FAM13A: variants seen among roughly 807,000 people sequenced by gnomAD.
The protein encoded by FAM13A is family with sequence similarity 13 member A.
FAM13A carries 76 observed loss-of-function variants against 129.6 expected under a neutral mutation model. That is an observed-to-expected ratio of 0.59 (90% CI 0.49 to 0.71). FAM13A has a LOEUF of 0.71. FAM13A is among the 30% of genes least tolerant of loss of function. The pLI is 0.00. For synonymous variants in FAM13A, 443 were observed against 449.9 expected (o/e 0.98, Z 0.20); for missense variants, 1,108 against 1,249.3 (o/e 0.89, Z 1.70).
chr4:88,785,577 A>C (rs901298007), intron 10 of FAM13A, among the ~76,000 whole-genome samples: 1 of 152,118 alleles, frequency 6.6e-6, no homozygotes, highest in Non-Finnish European at 1.5e-5. Context: ...AAAAGGAAAG[A>C]GTGGAGCTGG....
At chr4:88,790,946 C>T (rs1725015817) in intron 8 of FAM13A, among the ~76,000 whole-genome samples, 1 of 152,048 alleles carries the variant, frequency 6.6e-6, no homozygotes, top group Admixed American at 6.6e-5. Context: ...TTTTCATTTT[C>T]CTAAAATGTT....
At chr4:88,750,238 G>T (rs937045914) in intron 15 of FAM13A, among the ~76,000 whole-genome samples, 186 bp downstream of exon 15, 1 of 152,130 alleles carries the variant, frequency 6.6e-6, no homozygotes, top group African/African-American at 2.4e-5. Context: ...ATGTGATGTT[G>T]CAGTTGGGCC....
chr4:88,868,833 T>C (rs748272916), intron 6 of FAM13A, among the ~76,000 whole-genome samples: 6 of 152,178 alleles, frequency 3.9e-5, no homozygotes, highest in Non-Finnish European at 5.9e-5. Context: ...CCTTCCTCCT[T>C]AGTTTGTTAA....
chr4:88,914,008 A>T (rs1481763526), intron 5 of FAM13A, among the ~76,000 whole-genome samples: 5 of 137,090 alleles, frequency 3.6e-5, no homozygotes, highest in Non-Finnish European at 7.8e-5. Flanking sequence ...GTCTCAAAAA[A>T]AAAAGAAAAA....
At chr4:88,760,603 C>CAAAAAAAAAAAAAAAAAAAAAAAA (rs745711965) in intron 13 of FAM13A, among the ~76,000 whole-genome samples, 5 of 65,840 alleles carry the variant, frequency 7.6e-5, no homozygotes, top group South Asian at 6.8e-4. Context: ...GACTCCGTCT[C>CAAAAAAAAAAAAAAAAAAAAAAAA]AAAAAAAAAA....
At chr4:88,860,050 T>C (rs1233768422) in intron 6 of FAM13A, among the ~76,000 whole-genome samples, 2 of 152,206 alleles carry the variant, frequency 1.3e-5, no homozygotes, top group African/African-American at 2.4e-5. Flanking sequence ...AATGTACTTA[T>C]AAATCATATA....
At chr4:88,967,962 TG>T (rs1759569554) in intron 4 of FAM13A, among the ~76,000 whole-genome samples, 1 of 152,146 alleles carries the variant, frequency 6.6e-6, no homozygotes, top group Non-Finnish European at 1.5e-5. Context: ...TGGTAGTGTG[TG>T]TGTGTTTACT....
At chr4:88,821,195 C>G (rs751818993) in intron 7 of FAM13A, among the ~76,000 whole-genome samples, 16 of 152,328 alleles carry the variant, frequency 1.1e-4, no homozygotes, top group South Asian at 4.1e-4. Flanking sequence ...ACCGCACAAA[C>G]CTGGTCTTTA....
chr4:88,781,443 C>G, intron 10 of FAM13A, 92 bp from the exon 11 acceptor site: 1 of 859,380 alleles, frequency 1.2e-6, no homozygotes, highest in Non-Finnish European at 1.7e-6. Context: ...CTAGGAAATC[C>G]AAAGAGTGCC....
In FAM13A at chr4:88,837,658, C is replaced by T. The variant is rs188861339; in HGVS notation, c.1007+13362G>A. Among the ~76,000 whole-genome samples the T allele has an allele frequency of 5.9e-3, 771 of 131,452 alleles. 3 individuals carry two copies. The highest frequency in any genetic ancestry group is 7.9e-3 in the Non-Finnish European group (511 of 64,750). 86.2% of individuals were successfully genotyped at this position (131,452 alleles called of 152,430 possible). A position where few individuals can be genotyped will look rare whatever the true frequency, so the allele number is the denominator to read the frequency against. On this transcript the variant is annotated intron_variant, in intron 7 of 23. Transcript: ENST00000264344. ...GCTTGAGCCTGGGAGGCGGAGGTTG[C>T]GGTGAGCCGAGATGACACCATTGCA...
intron 2 of FAM13A, among the ~76,000 whole-genome samples, chr4:89,024,458 C>T (rs185355487): frequency 1.4e-4 from 21 of 152,302 alleles, no homozygotes; most frequent in Middle Eastern, 3.4e-3. Flanking sequence ...ATAGGCCTTT[C>T]TGTCTTAAAA....
At chr4:88,952,609 T>C (rs970689659) in intron 4 of FAM13A, among the ~76,000 whole-genome samples, 1 of 152,200 alleles carries the variant, frequency 6.6e-6, no homozygotes, top group African/African-American at 2.4e-5. Context: ...ATGTAGTTCA[T>C]TCTAAACCTT....
rs184711618 is a variant in FAM13A, at chr4:89,032,194, G to A, written c.28-2545C>T. Reference sequence around the variant, plus strand: ...TGGGAGGCGGAGCTTGCAGTGAGCCGAGATCACGCCACTGCACTCCAGCCT... The same window carrying A: ...TGGGAGGCGGAGCTTGCAGTGAGCCAAGATCACGCCACTGCACTCCAGCCT... On this transcript the variant is annotated intron_variant, in intron 1 of 23. Coordinates refer to ENST00000264344, the MANE Select transcript of FAM13A (RefSeq NM_014883.4). Among the ~76,000 whole-genome samples, 623 of 151,824 alleles carry A rather than the reference G, an allele frequency of 4.1e-3. 3 individuals carry two copies. The highest frequency in any genetic ancestry group is 6.4e-3 in the Non-Finnish European group (436 of 67,950).
intron 7 of FAM13A, among the ~76,000 whole-genome samples, chr4:88,836,836 T>G (rs1246711619): frequency 1.3e-5 from 2 of 151,756 alleles, no homozygotes; most frequent in Non-Finnish European, 2.9e-5. Flanking sequence ...GGCGGGTGTT[T>G]GTAATCCCAG....
At chr4:88,851,514 T>C (rs978287965) in intron 6 of FAM13A, among the ~76,000 whole-genome samples, 2 of 151,694 alleles carry the variant, frequency 1.3e-5, no homozygotes, top group African/African-American at 2.4e-5. Flanking sequence ...TATGGGAGTA[T>C]GTCAGACTGG....
In FAM13A at chr4:88,726,325, T is replaced by C. The variant is rs190336833; in HGVS notation, c.*2208A>G. The C allele has an allele frequency of 6.6e-6, 1 of 152,312 alleles. No individual in the cohort carries two copies. Among genetic ancestry groups the C allele is most frequent in the Admixed American group, 6.5e-5 (1 of 15,308 alleles). The allele number at this position is 152,312 out of a possible 1,614,324, so 9.4% of individuals were successfully genotyped here. A position where few individuals can be genotyped will look rare whatever the true frequency, so the allele number is the denominator to read the frequency against. On this transcript the variant is annotated 3_prime_UTR_variant, in exon 24 of 24. Coordinates refer to ENST00000264344, the MANE Select transcript of FAM13A (RefSeq NM_014883.4). ...AAGTTAGTTAGTTAGTTAGTGGAAATTACAAAGGAAAACACAACATCTCAT... is the reference window on the plus strand; with the variant it reads ...AAGTTAGTTAGTTAGTTAGTGGAAACTACAAAGGAAAACACAACATCTCAT...
intron 7 of FAM13A, among the ~76,000 whole-genome samples, chr4:88,813,889 T>C (rs1481148840): frequency 1.3e-5 from 2 of 152,130 alleles, no homozygotes; most frequent in African/African-American, 2.4e-5. Flanking sequence ...CAGGTGCTCA[T>C]ATGAGAACAT....
chr4:89,026,064 G>A (rs1513820), intron 2 of FAM13A, among the ~76,000 whole-genome samples: 20,745 of 152,190 alleles, frequency 0.14, 1,662 homozygotes, highest in Non-Finnish European at 0.18. Context: ...GAGAAAGAAC[G>A]TTGATTATGC....
intron 10 of FAM13A, among the ~76,000 whole-genome samples, chr4:88,785,082 A>G (rs959763708): frequency 1.3e-5 from 2 of 152,146 alleles, no homozygotes; most frequent in Non-Finnish European, 2.9e-5. Flanking sequence ...ATGGGCCATG[A>G]CGACTTTAGT....
Sources: allele counts gnomAD v4.1 joint callset (sites outside exome capture counted in the v4.1 genomes callset), GRCh38; gene constraint gnomAD v4.1.1; transcripts MANE v1.5; gene names NCBI Gene and HGNC (gene_info 2026-07-23, HGNC 2026-07-21).